AUTS2: variants seen among roughly 807,000 people sequenced by gnomAD.
AUTS2 encodes autism susceptibility gene 2 protein.
Under a neutral mutation model 112.4 loss-of-function variants are expected in AUTS2, and 17 were observed. The observed-to-expected ratio is 0.15, with a 90% CI of 0.10 to 0.23. AUTS2 has a LOEUF of 0.23. Among genes scored for constraint, AUTS2 ranks in the 10% least tolerant of loss-of-function variants. The pLI, the probability that AUTS2 is intolerant of heterozygous loss-of-function variation, is 1.00. For missense variants in AUTS2, 1,510 were observed against 1,701.6 expected, an observed-to-expected ratio of 0.89 and a Z score of 1.98; for synonymous variants, 751 against 702.7, an observed-to-expected ratio of 1.07 and a Z score of -1.09.
chr7:69,712,127 G>A (rs1020160818), intron 1 of AUTS2, among the ~76,000 whole-genome samples: 7 of 152,116 alleles, frequency 4.6e-5, no homozygotes, highest in African/African-American at 1.7e-4. Flanking sequence ...GTGCTGTGTT[G>A]CTTGTTTGGC....
At chr7:70,290,521 T>TGGTC in intron 4 of AUTS2, 1 of 1,535,198 alleles carries the variant, frequency 6.5e-7, no homozygotes, top group Non-Finnish European at 8.8e-7. Context: ...CCGTTTGGTG[T>TGGTC]GGTCACTCAC....
At chr7:70,041,513 C>T (rs529642365) in intron 2 of AUTS2, among the ~76,000 whole-genome samples, 6 of 152,256 alleles carry the variant, frequency 3.9e-5, no homozygotes, top group Middle Eastern at 3.4e-3. Context: ...CAGTATAAGA[C>T]TTGAAGCACA....
At chr7:70,013,795 G>A (rs1440836380) in intron 2 of AUTS2, among the ~76,000 whole-genome samples, 7 of 152,160 alleles carry the variant, frequency 4.6e-5, no homozygotes, top group African/African-American at 1.7e-4. Context: ...TCGGCTCACT[G>A]CAACCTCCGC....
chr7:70,326,076 G>C (rs1453582482), intron 4 of AUTS2, among the ~76,000 whole-genome samples: 3 of 152,180 alleles, frequency 2.0e-5, no homozygotes. Flanking sequence ...AGCAGGTTGA[G>C]CCTAGAGAGG....
At chr7:70,000,642 T>A (rs1393505762) in intron 2 of AUTS2, among the ~76,000 whole-genome samples, 3 of 152,328 alleles carry the variant, frequency 2.0e-5, no homozygotes, top group South Asian at 4.1e-4. Flanking sequence ...CATCTTTATA[T>A]TTGAACTGAG....
At chr7:69,626,157 G>A (rs1447202761) in intron 1 of AUTS2, among the ~76,000 whole-genome samples, 1 of 152,124 alleles carries the variant, frequency 6.6e-6, no homozygotes, top group Non-Finnish European at 1.5e-5. Context: ...AGACACATAA[G>A]TAGGGAAAAA....
rs34184657 is a variant in AUTS2, at chr7:70,226,360, ATTT to A, written c.660+91805_660+91807del. 8.2e-3 allele frequency among the ~76,000 whole-genome samples: 1,117 copies of A among 136,390 alleles called. 9 individuals are homozygous for A. The highest frequency in any genetic ancestry group is 0.027 in the African/African-American group (1,014 of 36,898). 89.5% of individuals were successfully genotyped at this position (136,390 alleles called of 152,430 possible). On this transcript the variant is annotated intron_variant, in intron 4 of 18. Coordinates refer to ENST00000342771, the MANE Select transcript of AUTS2 (RefSeq NM_015570.4). ...AGGCGCCCACCACCATGCCCGGCTA[ATTT>A]TTTTTTTTTTTTTTTGTATTTTCAG... is the stretch of plus-strand genomic sequence containing the variant.
At chr7:70,395,672 G>A (rs901257839) in intron 4 of AUTS2, among the ~76,000 whole-genome samples, 1 of 152,154 alleles carries the variant, frequency 6.6e-6, no homozygotes, top group African/African-American at 2.4e-5. Context: ...TGACAGCTTT[G>A]CTTCACTGAG....
intron 2 of AUTS2, among the ~76,000 whole-genome samples, chr7:70,099,704 G>A (rs1804387094): frequency 6.6e-6 from 1 of 152,120 alleles, no homozygotes; most frequent in East Asian, 1.9e-4. Flanking sequence ...AAATTAAAAT[G>A]ATGGTTATTT....
At chr7:70,438,312 A>G (rs562999224) in intron 5 of AUTS2, among the ~76,000 whole-genome samples, 3 of 152,272 alleles carry the variant, frequency 2.0e-5, no homozygotes, top group South Asian at 4.1e-4. Flanking sequence ...AAGCGGATAC[A>G]TAGTTGTTTA....
intron 18 of AUTS2, among the ~76,000 whole-genome samples, chr7:70,789,409 GCCTT>G (rs1405372428): frequency 1.3e-5 from 2 of 152,112 alleles, no homozygotes; most frequent in African/African-American, 4.8e-5. Flanking sequence ...CCACATCATT[GCCTT>G]ATTGACCACA....
At chr7:70,510,064 TC>T (rs1799121015) in intron 5 of AUTS2, among the ~76,000 whole-genome samples, 1 of 151,966 alleles carries the variant, frequency 6.6e-6, no homozygotes, top group Non-Finnish European at 1.5e-5. Flanking sequence ...AGGTCTTAGG[TC>T]CCCCAGATCA....
chr7:70,388,104 C>G (rs1015760632), intron 4 of AUTS2, among the ~76,000 whole-genome samples: 1 of 152,180 alleles, frequency 6.6e-6, no homozygotes, highest in Admixed American at 6.5e-5. Context: ...ATTCTTTTAT[C>G]TAAAATGATG....
chr7:69,949,996 A>T (rs150700288), intron 2 of AUTS2, among the ~76,000 whole-genome samples: 1 of 152,186 alleles, frequency 6.6e-6, no homozygotes, highest in Non-Finnish European at 1.5e-5. Flanking sequence ...GCAGCATTAG[A>T]TGACTATGGA....
At chr7:70,697,568 C>CT (rs1038578703) in intron 5 of AUTS2, among the ~76,000 whole-genome samples, 1 of 142,682 alleles carries the variant, frequency 7.0e-6, no homozygotes, top group Non-Finnish European at 1.5e-5. Context: ...ATTCCCCCCC[C>CT]CCATTTCCTA....
At chr7:69,921,978 C>T (rs1795834852) in intron 2 of AUTS2, among the ~76,000 whole-genome samples, 1 of 151,988 alleles carries the variant, frequency 6.6e-6, no homozygotes, top group Non-Finnish European at 1.5e-5. Flanking sequence ...GCAGGAGAAT[C>T]TCTTGAACCT....
At chr7:69,744,030 A>G (rs1787378412) in intron 1 of AUTS2, among the ~76,000 whole-genome samples, 1 of 151,798 alleles carries the variant, frequency 6.6e-6, no homozygotes, top group African/African-American at 2.4e-5. Context: ...TTGAACTCCT[A>G]GTGTTAATTG....
chr7:70,740,250 C>G (rs943228943), intron 6 of AUTS2, among the ~76,000 whole-genome samples: 1 of 152,218 alleles, frequency 6.6e-6, no homozygotes, highest in African/African-American at 2.4e-5. Flanking sequence ...GACTTAGCAG[C>G]AGCAGGCTTT....
At chr7:70,626,247 G>A (rs1226479467) in intron 5 of AUTS2, among the ~76,000 whole-genome samples, 2 of 43,964 alleles carry the variant, frequency 4.5e-5, no homozygotes, top group African/African-American at 1.7e-4. Flanking sequence ...TAGATGTCCA[G>A]GTATGGTGGC....
Sources: gnomAD v4.1 joint callset for allele counts (sites outside exome capture counted in the v4.1 genomes callset) on GRCh38, gnomAD v4.1.1 for gene constraint, MANE v1.5 for transcripts, NCBI Gene and HGNC (gene_info 2026-07-23, HGNC 2026-07-21) for gene names.